GPATCH2: variants seen among roughly 807,000 people sequenced by gnomAD.
GPATCH2 encodes G-patch domain containing 2.
In GPATCH2, 51 loss-of-function variants were observed where a neutral mutation model predicts 58.0. The observed-to-expected ratio is 0.88, with a 90% CI of 0.70 to 1.11. The LOEUF is 1.11. GPATCH2 is among the 50% of genes most tolerant of loss of function. GPATCH2 has a pLI of 0.00. For missense variants in GPATCH2, 625 were observed against 652.2 expected (o/e 0.96, Z 0.45); for synonymous variants, 222 against 218.5 (o/e 1.02, Z -0.14).
At chr1:217,442,456 G>A (rs556857988) in intron 9 of GPATCH2, among the ~76,000 whole-genome samples, 1 of 152,208 alleles carries the variant, frequency 6.6e-6, no homozygotes, top group East Asian at 1.9e-4. Context: ...AAGCCTGCAC[G>A]TTCTGCACAT....
chr1:217,482,292 A>G (rs1661248102), intron 8 of GPATCH2, among the ~76,000 whole-genome samples: 1 of 152,244 alleles, frequency 6.6e-6, no homozygotes, highest in Admixed American at 6.5e-5. Context: ...AACAAAGACC[A>G]TGTATTCACG....
intron 8 of GPATCH2, among the ~76,000 whole-genome samples, chr1:217,484,557 TA>T (rs1375274255): frequency 7.4e-5 from 1 of 13,460 alleles, no homozygotes; most frequent in Non-Finnish European, 2.8e-4. Context: ...TATAATTATT[TA>T]TATATATATA....
chr1:217,630,093 GT>G (rs1669669654), intron 1 of GPATCH2, among the ~76,000 whole-genome samples: 1 of 152,144 alleles, frequency 6.6e-6, no homozygotes, highest in Non-Finnish European at 1.5e-5. Flanking sequence ...CTTATGTTAT[GT>G]TTGGAGGAAA....
chr1:217,524,381 GCAGCCAGGCA>G (rs1663699659), intron 5 of GPATCH2, among the ~76,000 whole-genome samples: 1 of 149,994 alleles, frequency 6.7e-6, no homozygotes. Flanking sequence ...TCCAGACTGA[GCAGCCAGGCA>G]GAGGGGCTCC....
chr1:217,614,331 A>AT (rs960038587), intron 2 of GPATCH2, 129 bp from the exon 3 acceptor site: 1,137 of 555,128 alleles, frequency 2.0e-3, no homozygotes, highest in South Asian at 3.9e-3. Flanking sequence ...AAATAAGATG[A>AT]TTTTTTTTTT....
chr1:217,444,780 C>A (rs1055043160), intron 9 of GPATCH2, among the ~76,000 whole-genome samples: 2 of 152,068 alleles, frequency 1.3e-5, no homozygotes, highest in Non-Finnish European at 2.9e-5. Flanking sequence ...CTACAATAAT[C>A]TACAGCAGCT....
At chr1:217,490,422 GA>G (rs1387516854) in intron 8 of GPATCH2, among the ~76,000 whole-genome samples, 6 of 152,080 alleles carry the variant, frequency 3.9e-5, no homozygotes, top group Admixed American at 3.9e-4. Flanking sequence ...CCAGGTTGGG[GA>G]ATTCTTAGCG....
At chr1:217,595,848 T>A (rs1162838014) in intron 5 of GPATCH2, among the ~76,000 whole-genome samples, 1 of 152,134 alleles carries the variant, frequency 6.6e-6, no homozygotes, top group Admixed American at 6.6e-5. Flanking sequence ...TGTGAACCCA[T>A]AAAATGGATC....
intron 5 of GPATCH2, among the ~76,000 whole-genome samples, chr1:217,583,915 A>G (rs1667197617): frequency 6.6e-6 from 1 of 152,128 alleles, no homozygotes; most frequent in Admixed American, 6.5e-5. Flanking sequence ...CCAGAATTAC[A>G]TACCAAGAAA....
chr1:217,470,104 T>C (rs1006656252), intron 8 of GPATCH2, among the ~76,000 whole-genome samples: 2 of 152,190 alleles, frequency 1.3e-5, no homozygotes, highest in African/African-American at 4.8e-5. Context: ...GAATCATCTC[T>C]GGGAGTTAAA....
At chr1:217,516,621 G>C (rs377668677) in intron 5 of GPATCH2, among the ~76,000 whole-genome samples, 1 of 152,210 alleles carries the variant, frequency 6.6e-6, no homozygotes, top group Non-Finnish European at 1.5e-5. Context: ...TTTGTTAGAG[G>C]TTCATGATCA....
At chr1:217,501,801 A>G (rs1662319321) in intron 6 of GPATCH2, among the ~76,000 whole-genome samples, 1 of 151,914 alleles carries the variant, frequency 6.6e-6, no homozygotes, top group Non-Finnish European at 1.5e-5. Flanking sequence ...TTTGCTTTTT[A>G]ACTGTTTTAT....
At chr1:217,557,300 A>G (rs975953466) in intron 5 of GPATCH2, among the ~76,000 whole-genome samples, 1 of 151,428 alleles carries the variant, frequency 6.6e-6, no homozygotes, top group Non-Finnish European at 1.5e-5. Flanking sequence ...CCAGCTATTC[A>G]GGTAGCTTGG....
intron 5 of GPATCH2, among the ~76,000 whole-genome samples, chr1:217,524,346 G>T (rs1312060587): frequency 6.6e-6 from 1 of 150,426 alleles, no homozygotes; most frequent in Non-Finnish European, 1.5e-5. Flanking sequence ...ATGGGATGGC[G>T]GCTGGGCAGA....
intron 9 of GPATCH2, among the ~76,000 whole-genome samples, chr1:217,433,388 ATTTATTTATT>A (rs1658648697): frequency 1.3e-3 from 71 of 56,336 alleles, no homozygotes; most frequent in African/African-American, 5.6e-3. Flanking sequence ...ATATATATTT[ATTTATTTATT>A]TATTTATTTA....
At chr1:217,490,383 T>C (rs1472625886) in intron 8 of GPATCH2, among the ~76,000 whole-genome samples, 2 of 152,234 alleles carry the variant, frequency 1.3e-5, no homozygotes, top group African/African-American at 4.8e-5. Flanking sequence ...GTGCTTTTTG[T>C]ATCTGTATCT....
chr1:217,480,448 T>A (rs1661164392), intron 8 of GPATCH2, among the ~76,000 whole-genome samples: 1 of 152,136 alleles, frequency 6.6e-6, no homozygotes, highest in African/African-American at 2.4e-5. Flanking sequence ...TGAAATATCA[T>A]CTCACCCCAG....
intron 2 of GPATCH2, among the ~76,000 whole-genome samples, chr1:217,615,952 C>CT (rs1415856988): frequency 6.6e-6 from 1 of 152,042 alleles, no homozygotes; most frequent in African/African-American, 2.4e-5. Context: ...CCAGGTTCAT[C>CT]TTTTCAAAAT....
intron 9 of GPATCH2, among the ~76,000 whole-genome samples, chr1:217,435,328 C>G (rs887882533): frequency 6.6e-6 from 1 of 152,188 alleles, no homozygotes; most frequent in Non-Finnish European, 1.5e-5. Flanking sequence ...CAGTCCTTTC[C>G]CCTCAAATCT....
Sources: gnomAD v4.1 joint callset for allele counts (sites outside exome capture counted in the v4.1 genomes callset) on GRCh38, gnomAD v4.1.1 for gene constraint, MANE v1.5 for transcripts, NCBI Gene and HGNC (gene_info 2026-07-23, HGNC 2026-07-21) for gene names.